Variants in KCNJ18 observed in about 807,000 individuals in gnomAD.
The protein encoded by KCNJ18 is potassium inwardly rectifying channel subfamily J member 18, also known as inward rectifier potassium channel 18.
Under a neutral mutation model 17.3 loss-of-function variants are expected in KCNJ18, and 16 were observed. That is an observed-to-expected ratio of 0.92 (90% CI 0.62 to 1.40). The LOEUF (loss-of-function observed/expected upper bound fraction) is 1.40. Among genes scored for constraint, KCNJ18 ranks in the 40% most tolerant of loss-of-function variants. The pLI, the probability that KCNJ18 is intolerant of heterozygous loss-of-function variation, is 0.00. For missense variants in KCNJ18, 462 were observed against 626.8 expected, an observed-to-expected ratio of 0.74 and a Z score of 2.81; for synonymous variants, 185 against 262.6, an observed-to-expected ratio of 0.70 and a Z score of 2.86.
In KCNJ18 at chr17:21,703,516, A is replaced by G; in HGVS notation, c.730A>G (p.Ile244Val). 3 of 1,605,070 alleles carry G rather than the reference A, an allele frequency of 1.9e-6. No homozygotes were observed. The highest frequency in any genetic ancestry group is 1.1e-5 in the South Asian group (1 of 89,374). Reference protein sequence around the residue: ...KPRVTEEGEYIPLDQIDIDVG... With the variant: ...KPRVTEEGEYVPLDQIDIDVG... ...GCGGGTCACCGAGGAGGGCGAGTACATCCCGCTGGACCAGATCGACATCGA... is the reference window on the plus strand; with the variant it reads ...GCGGGTCACCGAGGAGGGCGAGTACGTCCCGCTGGACCAGATCGACATCGA... Residue 244 changes from isoleucine to valine, a missense_variant, in exon 3 of 3, where the codon ATC becomes GTC. Around this residue, in one of 5 missense-constraint regions of KCNJ18, gnomAD observed 27 missense variants for 119.2 expected, o/e 0.23. Transcript: ENST00000567955.
chr17:21,694,702 C>G (rs1905702562), intron 1 of KCNJ18, among the ~76,000 whole-genome samples: 1 of 149,804 alleles, frequency 6.7e-6, no homozygotes, highest in East Asian at 2.0e-4. Context: ...CCTTCCATCC[C>G]TCTATCCATT....
At chr17:21,699,521 G>A (rs1308136802) in intron 2 of KCNJ18, among the ~76,000 whole-genome samples, 1 of 152,228 alleles carries the variant, frequency 6.6e-6, no homozygotes, top group Non-Finnish European at 1.5e-5. Context: ...ACACGGCAGA[G>A]CAGGGCTGTG....
chr17:21,698,618 A>T (rs1324178778), intron 2 of KCNJ18, among the ~76,000 whole-genome samples: 3 of 151,938 alleles, frequency 2.0e-5, no homozygotes, highest in African/African-American at 7.3e-5. Context: ...TGTCACCGAA[A>T]CCTGAGAAGC....
In KCNJ18 at chr17:21,702,978, A is replaced by G. The variant is rs1308362368; in HGVS notation, c.192A>G (p.Ser64=). The G allele has an allele frequency of 5.7e-5, 91 of 1,602,780 alleles. No homozygotes were observed. Among genetic ancestry groups the G allele is most frequent in the Non-Finnish European group, 6.7e-5 (79 of 1,175,970 alleles). The change falls in exon 3 of 3, where the codon TCA becomes TCG. Residue 64 remains serine (S), a synonymous_variant. Coordinates refer to ENST00000567955, the MANE Select transcript of KCNJ18 (RefSeq NM_001194958.2). ...CGTTCGCCAACATGGACGAGAAGTC[A>G]CAGCGCTACCTGGCTGACATGTTCA... is the stretch of plus-strand genomic sequence containing the variant. ...NIAFANMDEK[S]QRYLADMFTT... is the part of the protein sequence containing the mutation.
At chr17:21,698,664 T>C (rs1905842881) in intron 2 of KCNJ18, among the ~76,000 whole-genome samples, 1 of 152,058 alleles carries the variant, frequency 6.6e-6, no homozygotes, top group Non-Finnish European at 1.5e-5. Flanking sequence ...GGGCATCCAG[T>C]TCCATCCGGA....
chr17:21,695,172 T>C (rs1905721022), intron 1 of KCNJ18, among the ~76,000 whole-genome samples: 1 of 151,010 alleles, frequency 6.6e-6, no homozygotes, highest in African/African-American at 2.4e-5. Flanking sequence ...TCCATCCATC[T>C]ATCCAACCAT....
intron 1 of KCNJ18, among the ~76,000 whole-genome samples, chr17:21,694,560 C>T (rs1348667252): frequency 6.6e-6 from 1 of 152,110 alleles, no homozygotes; most frequent in Admixed American, 6.6e-5. Context: ...CACTCATCAC[C>T]CACCCTCACA....
Position 21,703,158 on chromosome 17 carries a change from G to A in KCNJ18, c.372G>A (p.Val124=), listed in dbSNP as rs1353564023. The A allele has an allele frequency of 1.2e-6, 2 of 1,610,890 alleles. No homozygotes were observed. The highest frequency in any genetic ancestry group is 1.3e-5 in the African/African-American group (1 of 74,990). The part of the protein sequence containing the change: ...PAEGHGRTPC[V]MQVHGFMAAF... ...AGGGCCACGGCCGCACACCCTGTGT[G>A]ATGCAGGTGCACGGCTTCATGGCGG... The change falls in exon 3 of 3, where the codon GTG becomes GTA. Residue 124 remains valine, a synonymous_variant. Coordinates refer to ENST00000567955, the MANE Select transcript of KCNJ18 (RefSeq NM_001194958.2).
intron 1 of KCNJ18, among the ~76,000 whole-genome samples, chr17:21,693,162 G>C (rs1377321713): frequency 2.0e-5 from 3 of 152,292 alleles, no homozygotes; most frequent in Admixed American, 6.5e-5. Context: ...CTCACATGGC[G>C]GCTGCTGTGG....
At chr17:21,698,947 T>C (rs1905851940) in intron 2 of KCNJ18, among the ~76,000 whole-genome samples, 2 of 152,358 alleles carry the variant, frequency 1.3e-5, no homozygotes, top group Admixed American at 6.5e-5. Flanking sequence ...GCTCAGGTAG[T>C]GTACCCCAGC....
chr17:21,697,689 C>A (rs1275090132), intron 2 of KCNJ18, among the ~76,000 whole-genome samples: 11 of 152,310 alleles, frequency 7.2e-5, no homozygotes, highest in Admixed American at 1.3e-4. Context: ...TGAGGGAGAG[C>A]CCCTAACCCT....
In KCNJ18 at chr17:21,703,987, CG is replaced by C; in HGVS notation, c.1204del (p.Asp402MetfsTer74). The C allele has an allele frequency of 1.9e-6, 3 of 1,601,320 alleles. No homozygotes were observed. Among genetic ancestry groups the C allele is most frequent in the Non-Finnish European group, 1.7e-6 (2 of 1,175,054 alleles). ...EADGDQDGRS[R>X]DGLSPQARHD... is the part of the protein sequence containing the mutation. The stretch of plus-strand genomic sequence containing the variant: ...GGACGGAGACCAGGACGGCCGAAGC[CG>C]GGATGGCCTCAGCCCCCAGGCCAGG... On this transcript the variant is annotated frameshift_variant, in exon 3 of 3. Transcript: ENST00000567955. LOFTEE classifies it low-confidence loss of function (END_TRUNC).
At chr17:21,695,208 C>T (rs1384206785) in intron 1 of KCNJ18, among the ~76,000 whole-genome samples, 1 of 151,920 alleles carries the variant, frequency 6.6e-6, no homozygotes, top group Non-Finnish European at 1.5e-5. Context: ...TTCATCCATC[C>T]ATCCATCCAT....
At chr17:21,697,679 T>TG (rs1905804616) in intron 2 of KCNJ18, among the ~76,000 whole-genome samples, 1 of 152,310 alleles carries the variant, frequency 6.6e-6, no homozygotes, top group Non-Finnish European at 1.5e-5. Context: ...GGGCCTGGCA[T>TG]GAGGGAGAGC....
chr17:21,697,911 G>T (rs1390084390), intron 2 of KCNJ18, among the ~76,000 whole-genome samples: 45 of 152,304 alleles, frequency 3.0e-4, no homozygotes, highest in African/African-American at 8.9e-4. Context: ...CCTGGGCGAG[G>T]CTGGAGCAGG....
Position 21,704,262 on chromosome 17 carries a change from G to C in KCNJ18, c.*174G>C. ...CCTCAGAAGGTTGGCCGGAGAGGGG[G>C]CAGCCAGAGCGGCAGCCCCCGGCCT... is the stretch of plus-strand genomic sequence containing the variant. On this transcript the variant is annotated 3_prime_UTR_variant, in exon 3 of 3. Coordinates refer to ENST00000567955, the MANE Select transcript of KCNJ18 (RefSeq NM_001194958.2). 3 of 809,226 alleles carry C rather than the reference G, an allele frequency of 3.7e-6. No homozygotes were observed. The highest frequency in any genetic ancestry group is 5.6e-6 in the Non-Finnish European group (3 of 531,328). The allele number at this position is 809,226 out of a possible 1,614,324, so 50.1% of individuals were successfully genotyped here. A position where few individuals can be genotyped will look rare whatever the true frequency, so the allele number is the denominator to read the frequency against.
intron 2 of KCNJ18, among the ~76,000 whole-genome samples, chr17:21,701,830 G>C (rs1243028430): frequency 6.6e-6 from 1 of 152,172 alleles, no homozygotes; most frequent in Non-Finnish European, 1.5e-5. Flanking sequence ...AGAATCGCTT[G>C]AACCTAGGAG....
At chr17:21,693,068 G>A (rs1357975005) in intron 1 of KCNJ18, among the ~76,000 whole-genome samples, 3 of 152,428 alleles carry the variant, frequency 2.0e-5, no homozygotes, top group East Asian at 3.8e-4. Flanking sequence ...TGGTCATGGG[G>A]AAGCACTGCC....
chr17:21,697,878 C>G (rs1487584355), intron 2 of KCNJ18, among the ~76,000 whole-genome samples: 1 of 152,308 alleles, frequency 6.6e-6, no homozygotes, highest in African/African-American at 2.4e-5. Flanking sequence ...GGATGAAGCT[C>G]TGTGGCTGAG....
Sources: allele counts gnomAD v4.1 joint callset (sites outside exome capture counted in the v4.1 genomes callset), GRCh38; gene constraint gnomAD v4.1.1; regional missense constraint gnomAD v4.1.1; transcripts MANE v1.5; gene names NCBI Gene and HGNC (gene_info 2026-07-23, HGNC 2026-07-21).